The following DYNC1I2 variants were observed in gnomAD, a reference collection of about 807,000 sequenced individuals.
DYNC1I2 encodes dynein cytoplasmic 1 intermediate chain 2.
Under a neutral mutation model 88.6 loss-of-function variants are expected in DYNC1I2, and 53 were observed. The ratio of observed to expected loss-of-function variants is 0.60; its 90% CI spans 0.48 to 0.75. The LOEUF (loss-of-function observed/expected upper bound fraction) is 0.75. Ranked by LOEUF, DYNC1I2 falls within the 30% of genes least tolerant of loss-of-function variation. The probability of loss-of-function intolerance (pLI) is 0.00; values close to 1 mark genes in which losing one functional copy is unlikely to be tolerated. For missense variants in DYNC1I2, 458 were observed against 766.6 expected (o/e 0.60, Z 4.75); for synonymous variants, 198 against 254.6 (o/e 0.78, Z 2.12).
intron 1 of DYNC1I2, 115 bp from the exon 2 acceptor site, chr2:171,690,032 G>T (rs1685274192): frequency 3.8e-6 from 2 of 526,626 alleles, no homozygotes; most frequent in East Asian, 6.6e-5. Context: ...TAAGGTTTTT[G>T]TGCTTTTTTG....
At chr2:171,696,517 A>G (rs1005133996) in intron 3 of DYNC1I2, among the ~76,000 whole-genome samples, 5 of 152,164 alleles carry the variant, frequency 3.3e-5, no homozygotes, top group African/African-American at 1.2e-4. Flanking sequence ...ATTGTTTCCT[A>G]CATTGTGGAT....
chr2:171,728,460 A>T, intron 13 of DYNC1I2, 42 bp downstream of exon 13: 2 of 1,252,756 alleles, frequency 1.6e-6, no homozygotes, highest in Non-Finnish European at 2.3e-6. Context: ...GGCAAATGTT[A>T]TGTTTTAAGT....
At chr2:171,703,758 AGTT>A (rs1285817043) in intron 3 of DYNC1I2, among the ~76,000 whole-genome samples, 1 of 152,154 alleles carries the variant, frequency 6.6e-6, no homozygotes, top group African/African-American at 2.4e-5. Flanking sequence ...AAAAATAGGT[AGTT>A]ATTTAAATTT....
Position 171,726,537 on chromosome 2 carries a change from C to T in DYNC1I2, c.870+244C>T. The stretch of plus-strand genomic sequence containing the variant: ...CAGTTTTACTAATTTCAGTTGCTCA[C>T]CAAATCCTTTGTGTAAAATTTGGAC... On this transcript the variant is annotated intron_variant, in intron 10 of 17. Transcript: ENST00000397119. 6 of 551,094 alleles carry T rather than the reference C, an allele frequency of 1.1e-5. No homozygotes were observed. In the South Asian group the frequency reaches 1.9e-4, roughly 18 times the overall value. 34.1% of individuals were successfully genotyped at this position (551,094 alleles called of 1,614,324 possible).
intron 1 of DYNC1I2, chr2:171,687,913 G>A (rs1430670598): frequency 6.6e-6 from 1 of 152,294 alleles, no homozygotes; most frequent in Non-Finnish European, 1.5e-5. Context: ...CCCTGCCTGT[G>A]TTCCACGTCG....
In DYNC1I2 at chr2:171,748,077, T is replaced by C. The variant is rs990802063; in HGVS notation, c.*188T>C. The C allele has an allele frequency of 3.3e-5, 16 of 488,336 alleles. No individual in the cohort carries two copies. The highest frequency in any genetic ancestry group is 4.0e-5 in the African/African-American group (2 of 50,610). 30.3% of individuals were successfully genotyped at this position (488,336 alleles called of 1,614,324 possible). A position where few individuals can be genotyped will look rare whatever the true frequency, so the allele number is the denominator to read the frequency against. The stretch of plus-strand genomic sequence containing the variant: ...ACATGCATCTTGTTTTGGATTTGTG[T>C]CATTTTTTAATATAGCTGATTGACT... On this transcript the variant is annotated 3_prime_UTR_variant, in exon 18 of 18. Coordinates refer to ENST00000397119, the MANE Select transcript of DYNC1I2 (RefSeq NM_001378.3).
Position 171,726,817 on chromosome 2 carries a change from TAAC to T in DYNC1I2, c.903_905del (p.Asn302del), listed in dbSNP as rs1688290341. ...ATCCGGAGTTACTCGTGGCTTCCTA[TAAC>T]AACAATGAAGATGCCCCTCATGAGC... On this transcript the variant is annotated inframe_deletion, in exon 11 of 18. Transcript: ENST00000397119. 1 of 1,613,096 alleles carries T rather than the reference TAAC, an allele frequency of 6.2e-7. No individual in the cohort carries two copies. The highest frequency in any genetic ancestry group is 8.5e-7 in the Non-Finnish European group (1 of 1,179,368).
chr2:171,717,500 T>C (rs968212070), intron 7 of DYNC1I2, among the ~76,000 whole-genome samples: 2 of 152,132 alleles, frequency 1.3e-5, no homozygotes, highest in African/African-American at 4.8e-5. Context: ...TGGTAAGATA[T>C]CTTTTGTAGA....
intron 7 of DYNC1I2, among the ~76,000 whole-genome samples, chr2:171,718,744 C>A (rs895701127): frequency 5.3e-5 from 8 of 152,100 alleles, no homozygotes; most frequent in African/African-American, 1.9e-4. Flanking sequence ...CTCCAAACTT[C>A]TTATTTAAAT....
At chr2:171,694,215 T>C (rs1056519537) in intron 3 of DYNC1I2, among the ~76,000 whole-genome samples, 1 of 152,048 alleles carries the variant, frequency 6.6e-6, no homozygotes, top group Non-Finnish European at 1.5e-5. Flanking sequence ...TTTTGTACTT[T>C]TAGTAGAGAC....
chr2:171,703,089 A>G (rs1365517375), intron 3 of DYNC1I2, among the ~76,000 whole-genome samples: 4 of 152,178 alleles, frequency 2.6e-5, no homozygotes, highest in African/African-American at 9.7e-5. Context: ...GAGAGCAAGG[A>G]GAATATATTA....
intron 15 of DYNC1I2, among the ~76,000 whole-genome samples, chr2:171,743,426 G>A (rs1183815506): frequency 6.6e-6 from 1 of 152,180 alleles, no homozygotes. Flanking sequence ...AAATGGAATT[G>A]TGCCAAACTG....
At chr2:171,704,788 C>A (rs1474001031) in intron 3 of DYNC1I2, among the ~76,000 whole-genome samples, 2 of 152,092 alleles carry the variant, frequency 1.3e-5, no homozygotes, top group Non-Finnish European at 2.9e-5. Context: ...TGCCTTCTTG[C>A]ATAATTCTAG....
At chr2:171,704,995 A>G (rs1198805317) in intron 3 of DYNC1I2, among the ~76,000 whole-genome samples, 3 of 152,120 alleles carry the variant, frequency 2.0e-5, no homozygotes, top group Non-Finnish European at 4.4e-5. Context: ...AGAGTCCTTT[A>G]TAGAGTCTTT....
chr2:171,694,474 A>G (rs1460762728), intron 3 of DYNC1I2, among the ~76,000 whole-genome samples: 1 of 151,978 alleles, frequency 6.6e-6, no homozygotes, highest in Non-Finnish European at 1.5e-5. Context: ...CCTGACCAAC[A>G]CGGAGAAACC....
chr2:171,704,587 T>C (rs1296920927), intron 3 of DYNC1I2, among the ~76,000 whole-genome samples: 2 of 152,154 alleles, frequency 1.3e-5, no homozygotes, highest in African/African-American at 4.8e-5. Context: ...AATTAATTAG[T>C]AATGGTTTAT....
chr2:171,743,106 A>G (rs1689555509), intron 15 of DYNC1I2, among the ~76,000 whole-genome samples: 1 of 152,222 alleles, frequency 6.6e-6, no homozygotes, highest in African/African-American at 2.4e-5. Context: ...CTGACAACAT[A>G]AATTGTTGAT....
intron 5 of DYNC1I2, among the ~76,000 whole-genome samples, chr2:171,708,063 T>TCACACA (rs67204676): frequency 0.3 from 43,750 of 147,352 alleles, 6,423 homozygotes; most frequent in Non-Finnish European, 0.32. Context: ...CCTCTTTGTC[T>TCACACA]CTCTCACACA....
intron 15 of DYNC1I2, among the ~76,000 whole-genome samples, chr2:171,737,254 C>T (rs1195642347): frequency 4.6e-5 from 7 of 152,126 alleles, no homozygotes; most frequent in Non-Finnish European, 7.3e-5. Context: ...TTTAAGGATA[C>T]CAATCATGCT....
Sources: allele counts gnomAD v4.1 joint callset (sites outside exome capture counted in the v4.1 genomes callset), GRCh38; gene constraint gnomAD v4.1.1; transcripts MANE v1.5; gene names NCBI Gene and HGNC (gene_info 2026-07-23, HGNC 2026-07-21).